CXCL12: variants seen among roughly 807,000 people sequenced by gnomAD.
CXCL12 encodes C-X-C motif chemokine ligand 12.
Under a neutral mutation model 10.7 loss-of-function variants are expected in CXCL12, and 4 were observed. That is an observed-to-expected ratio of 0.37 (90% CI 0.18 to 0.86). CXCL12 has a LOEUF of 0.86. CXCL12 is among the 40% of genes least tolerant of loss of function. The pLI is 0.43. For synonymous variants in CXCL12, 54 were observed against 45.4 expected (o/e 1.19, Z -0.77); for missense variants, 122 against 110.4 (o/e 1.10, Z -0.47).
chr10:44,376,127 A>G (rs1433809392), downstream of CXCL12: 1 of 1,374,200 alleles, frequency 7.3e-7, no homozygotes. Flanking sequence ...TGTACTGGTT[A>G]AACTGTGCCT....
chr10:44,374,768 T>G (rs1839409612), downstream of CXCL12: 2 of 432,922 alleles, frequency 4.6e-6, no homozygotes, highest in Non-Finnish European at 9.4e-6. Context: ...CTTTCTGCAT[T>G]TATTAAAATT....
At chr10:44,374,853 C>T (rs887680798), downstream of CXCL12, 3 of 370,320 alleles carry the variant, frequency 8.1e-6, no homozygotes, top group South Asian at 4.1e-5. Context: ...TCAACGCATC[C>T]TTTTTCCGAG....
chr10:44,373,538 G>A (rs2132036930), downstream of CXCL12, among the ~76,000 whole-genome samples: 2 of 152,378 alleles, frequency 1.3e-5, no homozygotes, highest in Middle Eastern at 6.8e-3. Context: ...CCAGGCTGAA[G>A]CGGAGGGACC....
chr10:44,375,613 C>T (rs933192286), downstream of CXCL12, among the ~76,000 whole-genome samples: 3 of 152,222 alleles, frequency 2.0e-5, no homozygotes, highest in Admixed American at 2.0e-4. Context: ...AAGTGGAGGG[C>T]GGGCTGGGGG....
chr10:44,373,107 A>G (rs947303352), downstream of CXCL12: 94 of 1,535,158 alleles, frequency 6.1e-5, no homozygotes, highest in Non-Finnish European at 8.0e-5. Context: ...CTAAGCTGCT[A>G]CGTGTCGCCA....
chr10:44,375,852 A>C (rs1048033734), downstream of CXCL12: 5 of 1,587,104 alleles, frequency 3.2e-6, no homozygotes, highest in Non-Finnish European at 4.3e-6. Context: ...CCCAGTCTGC[A>C]TGGGGGTCTG....
exon 4 of CXCL12, chr10:44,370,327 A>C (rs1033873524): frequency 6.6e-6 from 1 of 152,620 alleles, no homozygotes; most frequent in Non-Finnish European, 1.5e-5. Flanking sequence ...GACCATTTTC[A>C]CATTATCTGG....
At chr10:44,379,520 C>A (rs1335872341) in intron 2 of CXCL12, among the ~76,000 whole-genome samples, 1 of 152,146 alleles carries the variant, frequency 6.6e-6, no homozygotes, top group Non-Finnish European at 1.5e-5. Flanking sequence ...CAGCTAAGCC[C>A]CAGAACAGTG....
At chr10:44,372,730 C>T (rs1839345903), downstream of CXCL12, 23 of 1,432,256 alleles carry the variant, frequency 1.6e-5, no homozygotes, top group Non-Finnish European at 2.1e-5. Context: ...GGGATGAGGG[C>T]TGGGTCTCAC....
chr10:44,373,010 G>A, downstream of CXCL12: 1 of 1,536,052 alleles, frequency 6.5e-7, no homozygotes, highest in Admixed American at 2.0e-5. Context: ...GCACAGCTCA[G>A]AGAATACAAA....
Position 44,377,513 on chromosome 10 carries a change from C to G in CXCL12, c.*1120G>C. The G allele has an allele frequency of 1.3e-5, 18 of 1,395,154 alleles. No individual in the cohort carries two copies. Among genetic ancestry groups the G allele is most frequent in the Non-Finnish European group, 1.7e-5 (18 of 1,079,120 alleles). The allele number at this position is 1,395,154 out of a possible 1,614,324, so 86.4% of individuals were successfully genotyped here. A position where few individuals can be genotyped will look rare whatever the true frequency, so the allele number is the denominator to read the frequency against. Reference sequence around the variant, plus strand: ...TGGAAATGTCACCTTGCCAACAGTTCTGATTGGAACCTGAAACCCTGCTGT... The same window carrying G: ...TGGAAATGTCACCTTGCCAACAGTTGTGATTGGAACCTGAAACCCTGCTGT... On this transcript the variant is annotated 3_prime_UTR_variant, in exon 3 of 3. Coordinates refer to ENST00000343575, the MANE Select transcript of CXCL12 (RefSeq NM_199168.4).
Position 44,385,093 on chromosome 10 carries a change from G to T in CXCL12, c.-88C>A. 9.6e-7 allele frequency: 1 copy of T among 1,044,466 alleles called. No homozygotes were observed. The highest frequency in any genetic ancestry group is 1.3e-6 in the Non-Finnish European group (1 of 767,696). The allele number at this position is 1,044,466 out of a possible 1,614,324, so 64.7% of individuals were successfully genotyped here. ...AATGCGGCTGACGGAGAGTGAAAGT[G>T]CGGCGGTGGGAGGCGCGCGCCGGGC... On this transcript the variant is annotated 5_prime_UTR_variant, in exon 1 of 3. Transcript: ENST00000343575.
At chr10:44,373,043 G>A (rs961609793), downstream of CXCL12, 8 of 1,536,130 alleles carry the variant, frequency 5.2e-6, no homozygotes, top group Non-Finnish European at 7.0e-6. Context: ...TGAGTCAGAG[G>A]AGTGGCTCCG....
chr10:44,384,550 G>C (rs997594172), intron 1 of CXCL12, among the ~76,000 whole-genome samples: 1 of 152,226 alleles, frequency 6.6e-6, no homozygotes, highest in African/African-American at 2.4e-5. Context: ...GGACCTCGGA[G>C]CCCATTCGCC....
At chr10:44,377,026 G>A (rs559034256), downstream of CXCL12, 3 of 919,794 alleles carry the variant, frequency 3.3e-6, no homozygotes, top group African/African-American at 5.4e-5. Flanking sequence ...ACACCTGACT[G>A]CAGGCAGGCT....
Position 44,378,278 on chromosome 10 carries a change from AAAAATG to A in CXCL12, c.*349_*354del, listed in dbSNP as rs1198191429. ...AGATCTTGAAGTACTCGTTGATTTA[AAAAATG>A]AGAATGAGAATGATGATGATTGTGA... On this transcript the variant is annotated 3_prime_UTR_variant, in exon 3 of 3. Transcript: ENST00000343575. 4.8e-6 allele frequency: 7 copies of A among 1,468,156 alleles called. No homozygotes were observed. The highest frequency in any genetic ancestry group is 1.4e-5 in the African/African-American group (1 of 72,174). The allele number at this position is 1,468,156 out of a possible 1,614,324, so 90.9% of individuals were successfully genotyped here.
Position 44,377,702 on chromosome 10 carries a change from A to G in CXCL12, c.*931T>C, listed in dbSNP as rs771600659. 1.4e-5 allele frequency: 23 copies of G among 1,596,778 alleles called. No homozygotes were observed. Among genetic ancestry groups the G allele is most frequent in the Non-Finnish European group, 1.8e-5 (21 of 1,179,272 alleles). ...AGCGAGCTCTCAGATTTAAAATTGC[A>G]TTTGATTCTGTAAAGACTTGTCTTT... On this transcript the variant is annotated 3_prime_UTR_variant, in exon 3 of 3. Coordinates refer to ENST00000343575, the MANE Select transcript of CXCL12 (RefSeq NM_199168.4).
chr10:44,378,717 C>A lies in CXCL12; in HGVS notation c.186G>T (p.Arg62=). The change falls in exon 3 of 3, where the codon CGG becomes CGT. Residue 62 remains arginine (R), a synonymous_variant. Transcript: ENST00000343575. ...TPNCALQIVA[R]LKNNNRQVCI... ...ACACTTGTCTGTTGTTGTTCTTCAG[C>A]CGGGCTCTGTGAAAACAGAATGGCA... 6.2e-7 allele frequency: 1 copy of A among 1,614,204 alleles called. No homozygotes were observed. Among genetic ancestry groups the A allele is most frequent in the Non-Finnish European group, 8.5e-7 (1 of 1,180,012 alleles).
downstream of CXCL12, chr10:44,375,825 G>A (rs182596955): frequency 3.2e-4 from 496 of 1,540,024 alleles, 3 homozygotes; most frequent in African/African-American, 5.6e-3. Flanking sequence ...GCTCCCCCAC[G>A]GAAGTCTGAG....
Sources: gnomAD v4.1 joint callset for allele counts (sites outside exome capture counted in the v4.1 genomes callset) on GRCh38, gnomAD v4.1.1 for gene constraint, MANE v1.5 for transcripts, NCBI Gene and HGNC (gene_info 2026-07-23, HGNC 2026-07-21) for gene names.